THSD4: variants seen among roughly 807,000 people sequenced by gnomAD.
The protein encoded by THSD4 is thrombospondin type 1 domain containing 4, also known as thrombospondin type-1 domain-containing protein 4.
Under a neutral mutation model 119.0 loss-of-function variants are expected in THSD4, and 69 were observed. The observed-to-expected ratio is 0.58, with a 90% CI of 0.48 to 0.71. The LOEUF (loss-of-function observed/expected upper bound fraction) is 0.71, where lower values mean the gene tolerates loss of function less well. Among genes scored for constraint, THSD4 ranks in the 30% least tolerant of loss-of-function variants. The probability of loss-of-function intolerance (pLI) is 0.00; values close to 1 mark genes in which losing one functional copy is unlikely to be tolerated. For missense variants in THSD4, 1,393 were observed against 1,391.1 expected (o/e 1.00, Z -0.02); for synonymous variants, 524 against 540.4 (o/e 0.97, Z 0.42).
Position 71,780,948 on chromosome 15 carries a change from G to A in THSD4, c.*3574G>A, listed in dbSNP as rs186961223. On this transcript the variant is annotated 3_prime_UTR_variant, in exon 18 of 18. Coordinates refer to ENST00000261862, the MANE Select transcript of THSD4 (RefSeq NM_024817.3). ...GGACCTGTCTAAACAAATGTTGTGG[G>A]TTTTCTTTTCATTCGGATAGCCACT... 6.3e-4 allele frequency: 224 copies of A among 354,844 alleles called. 2 individuals carry two copies. The highest frequency in any genetic ancestry group is 4.5e-3 in the African/African-American group (211 of 46,876). The allele number at this position is 354,844 out of a possible 1,614,324, so 22.0% of individuals were successfully genotyped here.
chr15:71,770,984 T>C, intron 16 of THSD4, 80 bp from the exon 17 acceptor site: 1 of 1,544,860 alleles, frequency 6.5e-7, no homozygotes, highest in Non-Finnish European at 8.7e-7. Context: ...TGTTTGAGAT[T>C]TTCCAGTGTC....
At chr15:71,130,903 C>G (rs2040497742) in intron 1 of THSD4, among the ~76,000 whole-genome samples, 2 of 152,124 alleles carry the variant, frequency 1.3e-5, no homozygotes. Flanking sequence ...CGCTACCACG[C>G]CCGTCTATTT....
chr15:71,487,657 G>C (rs1458609871), intron 7 of THSD4, among the ~76,000 whole-genome samples: 1 of 152,054 alleles, frequency 6.6e-6, no homozygotes, highest in Non-Finnish European at 1.5e-5. Flanking sequence ...CATGTTAAAT[G>C]GTATATAATT....
chr15:71,267,560 G>A (rs965628394), intron 6 of THSD4, among the ~76,000 whole-genome samples: 1 of 152,064 alleles, frequency 6.6e-6, no homozygotes, highest in African/African-American at 2.4e-5. Context: ...TCAACTAATG[G>A]GCAAAATAAC....
intron 3 of THSD4, among the ~76,000 whole-genome samples, chr15:71,171,684 T>C (rs1466125066): frequency 6.6e-6 from 1 of 152,214 alleles, no homozygotes; most frequent in African/African-American, 2.4e-5. Flanking sequence ...AATCATCTGT[T>C]GTAGGGTTTA....
intron 7 of THSD4, among the ~76,000 whole-genome samples, chr15:71,633,370 G>A (rs1206859708): frequency 2.7e-5 from 4 of 148,576 alleles, no homozygotes; most frequent in Non-Finnish European, 4.5e-5. Context: ...CGACCTACTG[G>A]GTTCAAGCCA....
intron 8 of THSD4, among the ~76,000 whole-genome samples, chr15:71,714,738 T>A: frequency 6.6e-6 from 1 of 152,018 alleles, no homozygotes; most frequent in African/African-American, 2.4e-5. Context: ...CCTAGCTACT[T>A]GGGAGGCTGA....
chr15:71,700,534 T>G (rs997017909), intron 8 of THSD4, among the ~76,000 whole-genome samples: 2 of 152,240 alleles, frequency 1.3e-5, no homozygotes, highest in Admixed American at 1.3e-4. Flanking sequence ...TTTAAACTCC[T>G]CAATATTCCA....
chr15:71,290,452 G>A (rs1878055), intron 6 of THSD4, among the ~76,000 whole-genome samples: 87,534 of 151,904 alleles, frequency 0.58, 25,498 homozygotes, highest in Middle Eastern at 0.66. Flanking sequence ...TGTTTGTCCT[G>A]TTAGTGTCTC....
rs72759691 is a variant in THSD4 at position 71,304,998 on chromosome 15, C to T, written c.1015+48283C>T. 3.7e-3 allele frequency among the ~76,000 whole-genome samples: 565 copies of T among 152,330 alleles called. 1 individual carries two copies. In the Middle Eastern group the frequency reaches 0.037, roughly 10 times the overall value. ...CACACGAGGCTTGTTTATAACACCT[C>T]TTTTCCGTGAATCACAGTGGTCCAT... On this transcript the variant is annotated intron_variant, in intron 6 of 17. Transcript: ENST00000261862.
intron 7 of THSD4, among the ~76,000 whole-genome samples, chr15:71,560,693 C>T (rs545439070): frequency 6.6e-6 from 1 of 152,228 alleles, no homozygotes; most frequent in Admixed American, 6.5e-5. Flanking sequence ...TGTATCATTT[C>T]TTTTCTCTGT....
intron 6 of THSD4, among the ~76,000 whole-genome samples, chr15:71,392,095 A>G (rs2046386492): frequency 6.6e-6 from 1 of 152,220 alleles, no homozygotes; most frequent in Non-Finnish European, 1.5e-5. Flanking sequence ...CTCTGACGAC[A>G]GCCCAAGATC....
chr15:71,101,587 T>G (rs1343784583), intron 1 of THSD4, among the ~76,000 whole-genome samples: 1 of 152,250 alleles, frequency 6.6e-6, no homozygotes, highest in Non-Finnish European at 1.5e-5. Flanking sequence ...CTCCTTAGCA[T>G]TTCTTATGGA....
At chr15:71,240,000 G>C (rs118069025) in intron 4 of THSD4, among the ~76,000 whole-genome samples, 86 of 152,320 alleles carry the variant, frequency 5.6e-4, no homozygotes, top group Non-Finnish European at 6.6e-4. Flanking sequence ...TGGTCTTTTA[G>C]AATTAACTGG....
intron 6 of THSD4, among the ~76,000 whole-genome samples, chr15:71,364,710 T>G (rs2045933738): frequency 6.6e-6 from 1 of 152,210 alleles, no homozygotes; most frequent in Admixed American, 6.5e-5. Context: ...TTAGTTTTAT[T>G]TTATTTTGTC....
intron 7 of THSD4, among the ~76,000 whole-genome samples, chr15:71,448,198 C>T (rs967824472): frequency 6.6e-6 from 1 of 152,188 alleles, no homozygotes; most frequent in Non-Finnish European, 1.5e-5. Flanking sequence ...GTATTATATA[C>T]TAGAAATGGG....
At position 71,372,194 on chromosome 15, in the gene THSD4, A is replaced by C. The variant is rs1351052016; in HGVS notation, c.1016-39493A>C. Among the ~76,000 whole-genome samples the C allele has an allele frequency of 3.9e-5, 6 of 152,184 alleles. No individual in the cohort carries two copies. In the East Asian group the frequency reaches 9.7e-4, roughly 25 times the overall value. On this transcript the variant is annotated intron_variant, in intron 6 of 17. Coordinates refer to ENST00000261862, the MANE Select transcript of THSD4 (RefSeq NM_024817.3). The stretch of plus-strand genomic sequence containing the variant: ...TAGCCATTTGTCTAATCTTTTTTCA[A>C]GGTTTTTAGCTTCTTTGTAATGGGT...
At chr15:71,648,728 C>G (rs1270259192) in intron 7 of THSD4, among the ~76,000 whole-genome samples, 1 of 152,148 alleles carries the variant, frequency 6.6e-6, no homozygotes, top group Non-Finnish European at 1.5e-5. Context: ...ACACAAGCCT[C>G]CCCTGTTGGT....
At chr15:71,545,833 CA>C (rs35439245) in intron 7 of THSD4, among the ~76,000 whole-genome samples, 1 of 152,152 alleles carries the variant, frequency 6.6e-6, no homozygotes, top group African/African-American at 2.4e-5. Context: ...TGTCCCCCAC[CA>C]AAAAACTCCC....
Sources: gnomAD v4.1 joint callset for allele counts (sites outside exome capture counted in the v4.1 genomes callset) on GRCh38, gnomAD v4.1.1 for gene constraint, MANE v1.5 for transcripts, NCBI Gene and HGNC (gene_info 2026-07-23, HGNC 2026-07-21) for gene names.